Variants in NRXN1 observed in about 807,000 individuals in gnomAD.
NRXN1 encodes the protein neurexin-1.
NRXN1 carries 39 observed loss-of-function variants against 150.9 expected under a neutral mutation model. The ratio of observed to expected loss-of-function variants is 0.26; its 90% CI spans 0.20 to 0.34. The LOEUF (loss-of-function observed/expected upper bound fraction) is 0.34. Ranked by LOEUF, NRXN1 falls within the 10% of genes least tolerant of loss-of-function variation. The pLI is 1.00. For synonymous variants in NRXN1, 924 were observed against 757.0 expected, an observed-to-expected ratio of 1.22 and a Z score of -3.62; for missense variants, 1,815 against 1,949.9, an observed-to-expected ratio of 0.93 and a Z score of 1.30.
intron 17 of NRXN1, among the ~76,000 whole-genome samples, chr2:50,376,541 C>T (rs1339072760): frequency 1.3e-5 from 2 of 152,046 alleles, no homozygotes; most frequent in Admixed American, 1.3e-4. Context: ...ATATTGGAGT[C>T]AAAACATGTT....
At position 50,057,572 on chromosome 2, in the gene NRXN1, C is replaced by A. The variant is rs567866100; in HGVS notation, c.3719-2528G>T. 2.0e-5 allele frequency among the ~76,000 whole-genome samples: 3 copies of A among 152,254 alleles called. No homozygotes were observed. In the East Asian group the frequency reaches 5.8e-4, roughly 29 times the overall value. ...AAACTCTGAATATCCCTCCATGAGG[C>A]CAAGTACTATGCTACTATGTGCAGT... On this transcript the variant is annotated intron_variant, in intron 19 of 22. Coordinates refer to ENST00000401669, the MANE Select transcript of NRXN1 (RefSeq NM_001330078.2).
chr2:50,878,571 C>G (rs1335928412), intron 5 of NRXN1, among the ~76,000 whole-genome samples: 1 of 151,876 alleles, frequency 6.6e-6, no homozygotes, highest in Admixed American at 6.6e-5. Context: ...AATTCTAGAA[C>G]CCTGGACATC....
intron 18 of NRXN1, among the ~76,000 whole-genome samples, chr2:50,232,901 C>A (rs982052630): frequency 6.6e-6 from 1 of 151,998 alleles, no homozygotes; most frequent in Non-Finnish European, 1.5e-5. Context: ...TCACCATAAC[C>A]AATTCTTAGT....
At chr2:51,006,433 A>T (rs1041195368) in intron 2 of NRXN1, among the ~76,000 whole-genome samples, 31 of 151,964 alleles carry the variant, frequency 2.0e-4, no homozygotes, top group African/African-American at 7.5e-4. Flanking sequence ...ATTAGGATAT[A>T]TACCTAATGC....
chr2:49,928,038 C>T (rs2104118047), intron 22 of NRXN1, among the ~76,000 whole-genome samples: 1 of 151,326 alleles, frequency 6.6e-6, no homozygotes, highest in South Asian at 2.1e-4. Flanking sequence ...AACCTGATGA[C>T]AATGGAAATT....
At chr2:51,025,418 C>G (rs1373782744) in intron 2 of NRXN1, among the ~76,000 whole-genome samples, 1 of 152,136 alleles carries the variant, frequency 6.6e-6, no homozygotes, top group Non-Finnish European at 1.5e-5. Flanking sequence ...CCACTCTTAA[C>G]TGTTCCTGAT....
chr2:49,963,453 T>G (rs1468011350), intron 21 of NRXN1, among the ~76,000 whole-genome samples: 3 of 152,188 alleles, frequency 2.0e-5, no homozygotes, highest in African/African-American at 7.2e-5. Flanking sequence ...AGAAAAGAGT[T>G]CCTCCACCTA....
intron 17 of NRXN1, among the ~76,000 whole-genome samples, chr2:50,384,684 G>A (rs945956989): frequency 3.3e-5 from 5 of 151,992 alleles, no homozygotes; most frequent in Non-Finnish European, 1.5e-5. Context: ...CACTTAATGG[G>A]TTGTCCCAAC....
chr2:50,091,389 T>A lies in NRXN1; in HGVS notation c.3652A>T (p.Thr1218Ser). ...AACGTGGCATTGCCACCACTCCTCG[T>A]GAAACGAACTACATGGTATTTCCCA... Reference protein sequence around the residue: ...NDGKYHVVRFTRSGGNATLQV... With the variant: ...NDGKYHVVRFSRSGGNATLQV... The change falls in exon 19 of 23, where the codon ACG becomes TCG. Residue 1218 changes from threonine (T) to serine (S), a missense_variant. Physicochemically the swap from Thr to Ser is moderately conservative, Grantham distance 58 (BLOSUM62 1). Around this residue, in one of 6 missense-constraint regions of NRXN1, gnomAD observed 339 missense variants for 440.3 expected, o/e 0.77. Coordinates refer to ENST00000401669, the MANE Select transcript of NRXN1 (RefSeq NM_001330078.2). 8 of 1,614,228 alleles carry A rather than the reference T, an allele frequency of 5.0e-6. No homozygotes were observed. Among genetic ancestry groups the A allele is most frequent in the Non-Finnish European group, 6.8e-6 (8 of 1,180,040 alleles).
intron 5 of NRXN1, among the ~76,000 whole-genome samples, chr2:50,825,316 G>A (rs1048600110): frequency 9.9e-5 from 15 of 152,180 alleles, no homozygotes; most frequent in African/African-American, 3.4e-4. Flanking sequence ...GCTAATGAAT[G>A]TTTGCTGGCT....
chr2:50,003,594 T>C (rs1168887058), intron 21 of NRXN1, among the ~76,000 whole-genome samples: 1 of 152,144 alleles, frequency 6.6e-6, no homozygotes. Flanking sequence ...ATGTTCAGTA[T>C]AAATGGGCAC....
intron 17 of NRXN1, among the ~76,000 whole-genome samples, chr2:50,390,678 A>T (rs2081628212): frequency 6.6e-6 from 1 of 152,080 alleles, no homozygotes; most frequent in African/African-American, 2.4e-5. Flanking sequence ...TAATGTCATT[A>T]GTATAGGAGT....
intron 18 of NRXN1, among the ~76,000 whole-genome samples, chr2:50,195,654 A>C (rs2152827738): frequency 6.6e-6 from 1 of 152,288 alleles, no homozygotes; most frequent in South Asian, 2.1e-4. Context: ...TTCCCAAGAC[A>C]GGCATTTCCA....
chr2:49,967,098 A>G (rs920874371), intron 21 of NRXN1, among the ~76,000 whole-genome samples: 1 of 152,160 alleles, frequency 6.6e-6, no homozygotes, highest in East Asian at 1.9e-4. Flanking sequence ...TATGACACAC[A>G]GTGCATCTAT....
chr2:51,000,948 G>A (rs1045159785), intron 2 of NRXN1, among the ~76,000 whole-genome samples: 47 of 151,842 alleles, frequency 3.1e-4, no homozygotes, highest in African/African-American at 1.1e-3. Context: ...ACCCTTGTCA[G>A]ACCAGGAACA....
At chr2:49,925,921 A>C (rs887689163) in intron 22 of NRXN1, among the ~76,000 whole-genome samples, 1 of 152,210 alleles carries the variant, frequency 6.6e-6, no homozygotes, top group Non-Finnish European at 1.5e-5. Flanking sequence ...TAAGTCTTGA[A>C]TCTTCAAAGA....
chr2:50,908,907 C>T (rs1488970793), intron 5 of NRXN1, among the ~76,000 whole-genome samples: 1 of 151,952 alleles, frequency 6.6e-6, no homozygotes, highest in Non-Finnish European at 1.5e-5. Flanking sequence ...GCAAGAAGGC[C>T]CTCACTGGTT....
chr2:50,245,828 A>G lies in NRXN1; in HGVS notation c.3365-8858T>C, dbSNP rs142748758. Among the ~76,000 whole-genome samples, 645 of 152,006 alleles carry G rather than the reference A, an allele frequency of 4.2e-3. 1 individual carries two copies. Among genetic ancestry groups the G allele is most frequent in the Non-Finnish European group, 7.0e-3 (476 of 67,870 alleles). On this transcript the variant is annotated intron_variant, in intron 17 of 22. Transcript: ENST00000401669. ...GAAAAGTGAGTAAATTTTCCAATTT[A>G]CAAATAACAAAACTGAGGCACAGAG...
chr2:50,274,449 G>A (rs1310583756), intron 17 of NRXN1, among the ~76,000 whole-genome samples: 4 of 152,026 alleles, frequency 2.6e-5, no homozygotes, highest in Non-Finnish European at 5.9e-5. Context: ...AATGCATGCC[G>A]GGCTTAAAAC....
Sources: gnomAD v4.1 joint callset for allele counts (sites outside exome capture counted in the v4.1 genomes callset) on GRCh38, gnomAD v4.1.1 for gene constraint, gnomAD v4.1.1 regional missense constraint, MANE v1.5 for transcripts, NCBI Gene and HGNC (gene_info 2026-07-23, HGNC 2026-07-21) for gene names.